CELF4: variants seen among roughly 807,000 people sequenced by gnomAD.
CELF4 encodes CUG-BP- and ETR-3-like factor 4.
In CELF4, 18 loss-of-function variants were observed where a neutral mutation model predicts 59.9. The ratio of observed to expected loss-of-function variants is 0.30; its 90% CI spans 0.21 to 0.45. The LOEUF (loss-of-function observed/expected upper bound fraction) is 0.45, where lower values mean the gene tolerates loss of function less well. Among genes scored for constraint, CELF4 ranks in the 20% least tolerant of loss-of-function variants. The pLI, the probability that CELF4 is intolerant of heterozygous loss-of-function variation, is 1.00. For synonymous variants in CELF4, 261 were observed against 267.1 expected, an observed-to-expected ratio of 0.98 and a Z score of 0.22; for missense variants, 456 against 689.0, an observed-to-expected ratio of 0.66 and a Z score of 3.79.
chr18:37,552,352 C>T (rs2099983476), intron 1 of CELF4, among the ~76,000 whole-genome samples: 1 of 152,224 alleles, frequency 6.6e-6, no homozygotes, highest in Non-Finnish European at 1.5e-5. Flanking sequence ...CTGCAGGGGG[C>T]CATGGTATGT....
chr18:37,420,928 T>C (rs2099574062), intron 2 of CELF4, among the ~76,000 whole-genome samples: 2 of 152,242 alleles, frequency 1.3e-5, no homozygotes, highest in South Asian at 4.1e-4. Flanking sequence ...TGCCATGTTT[T>C]GTAGTCCTGT....
rs553988927 is a variant in CELF4, at chr18:37,322,350, C to T, written c.370-469G>A. ...CAGGGCATCCAGCTTGATCCCAGCC[C>T]GTACCAGCTCGCAGAAGTGGCCTAT... On this transcript the variant is annotated intron_variant, in intron 2 of 12. Coordinates refer to ENST00000420428, the MANE Select transcript of CELF4 (RefSeq NM_020180.4). Among the ~76,000 whole-genome samples, 19 of 152,346 alleles carry T rather than the reference C, an allele frequency of 1.2e-4. 1 individual carries two copies. The East Asian group carries it at 1.9e-3, about 15-fold the overall frequency.
chr18:37,255,435 G>A (rs754738954), intron 11 of CELF4, among the ~76,000 whole-genome samples: 8 of 151,300 alleles, frequency 5.3e-5, no homozygotes, highest in East Asian at 1.9e-4. Context: ...CCGAACAAGC[G>A]CAACAATTGG....
At chr18:37,379,928 G>C (rs891897202) in intron 2 of CELF4, among the ~76,000 whole-genome samples, 1 of 152,100 alleles carries the variant, frequency 6.6e-6, no homozygotes, top group African/African-American at 2.4e-5. Flanking sequence ...ATGCTTTCCT[G>C]CTCCGGGGTT....
chr18:37,375,574 G>A (rs538364677), intron 2 of CELF4, among the ~76,000 whole-genome samples: 1 of 152,250 alleles, frequency 6.6e-6, no homozygotes, highest in South Asian at 2.1e-4. Context: ...CCTGTGAGAT[G>A]GAAACTTAAT....
Position 37,457,159 on chromosome 18 carries a change from C to T in CELF4, c.369+28366G>A, listed in dbSNP as rs188393086. 1.3e-3 allele frequency among the ~76,000 whole-genome samples: 191 copies of T among 152,260 alleles called. 2 individuals are homozygous for T. The East Asian group carries it at 0.031, about 25-fold the overall frequency. ...AAAGAGCAGGAGGGCCTCTGAGTGT[C>T]TCTGGTTCTCCTCTTGGGACAAGGC... On this transcript the variant is annotated intron_variant, in intron 2 of 12. Coordinates refer to ENST00000420428, the MANE Select transcript of CELF4 (RefSeq NM_020180.4).
chr18:37,323,964 T>C (rs947090212), intron 2 of CELF4, among the ~76,000 whole-genome samples: 1 of 152,064 alleles, frequency 6.6e-6, no homozygotes, highest in Non-Finnish European at 1.5e-5. Context: ...AGGAAGTAAG[T>C]GGGAAAAGTA....
chr18:37,415,647 T>C (rs2099521432), intron 2 of CELF4, among the ~76,000 whole-genome samples: 1 of 152,220 alleles, frequency 6.6e-6, no homozygotes, highest in Non-Finnish European at 1.5e-5. Flanking sequence ...TATTACCTAT[T>C]GAAATTTGAC....
At chr18:37,273,307 T>C in intron 6 of CELF4, 144 bp from the exon 7 acceptor site, 1 of 1,436,118 alleles carries the variant, frequency 7.0e-7, no homozygotes. Context: ...CTGATGCCTC[T>C]CCCATTCTTG....
At chr18:37,266,468 G>C (rs1013882926) in intron 9 of CELF4, 65 bp downstream of exon 9, 2 of 1,436,102 alleles carry the variant, frequency 1.4e-6, no homozygotes, top group Non-Finnish European at 1.9e-6. Flanking sequence ...GGGGGCACTG[G>C]TGTCACAGGC....
At chr18:37,353,024 A>G (rs1224331268) in intron 2 of CELF4, among the ~76,000 whole-genome samples, 3 of 152,068 alleles carry the variant, frequency 2.0e-5, no homozygotes, top group South Asian at 2.1e-4. Flanking sequence ...GATCGAGACC[A>G]TCCTGGCTAA....
Position 37,321,870 on chromosome 18 carries a change from C to G in CELF4, c.381G>C (p.Pro127=), listed in dbSNP as rs41352348. 6.2e-7 allele frequency: 1 copy of G among 1,613,112 alleles called. No homozygotes were observed. The highest frequency in any genetic ancestry group is 8.5e-7 in the Non-Finnish European group (1 of 1,179,456). Residue 127 remains proline, a synonymous_variant, in exon 3 of 13, where the codon CCG becomes CCC. Coordinates refer to ENST00000420428, the MANE Select transcript of CELF4 (RefSeq NM_020180.4). ...EQKTLPGMNR[P]IQVKPADSES... ...CGCTGTCCGCAGGCTTCACCTGGAT[C>G]GGCCGGTTCATCTGCAACAGAGCAG...
intron 1 of CELF4, among the ~76,000 whole-genome samples, chr18:37,522,127 A>ACC (rs1284660308): frequency 0.011 from 1,746 of 152,296 alleles, 35 homozygotes; most frequent in African/African-American, 0.04. Flanking sequence ...GAATGAGATA[A>ACC]CAGAAGCCAG....
intron 1 of CELF4, among the ~76,000 whole-genome samples, chr18:37,537,638 AT>A (rs2099974578): frequency 6.6e-6 from 1 of 152,074 alleles, no homozygotes; most frequent in Admixed American, 6.5e-5. Flanking sequence ...TGTTTATTTT[AT>A]TTCCTTGCTT....
Position 37,549,632 on chromosome 18 carries a change from G to T in CELF4, c.286+15724C>A, listed in dbSNP as rs1332141109. On this transcript the variant is annotated intron_variant, in intron 1 of 12. Coordinates refer to ENST00000420428, the MANE Select transcript of CELF4 (RefSeq NM_020180.4). Reference sequence around the variant, plus strand: ...TTTCTTTATAAAAAAGGTATCAACTGTACCTGGTTGCAATAGGGATAAAAA... The same window carrying T: ...TTTCTTTATAAAAAAGGTATCAACTTTACCTGGTTGCAATAGGGATAAAAA... Among the ~76,000 whole-genome samples the T allele has an allele frequency of 3.3e-5, 5 of 152,060 alleles. No individual in the cohort carries two copies. The East Asian group carries it at 9.6e-4, about 29-fold the overall frequency.
At chr18:37,334,865 C>T (rs747696107) in intron 2 of CELF4, among the ~76,000 whole-genome samples, 4 of 152,158 alleles carry the variant, frequency 2.6e-5, no homozygotes, top group Non-Finnish European at 5.9e-5. Context: ...GAGGAAATTG[C>T]TCTTAATCCC....
At chr18:37,495,615 G>C (rs192644159) in intron 1 of CELF4, among the ~76,000 whole-genome samples, 1 of 152,262 alleles carries the variant, frequency 6.6e-6, no homozygotes, top group East Asian at 1.9e-4. Context: ...AATACTTGCC[G>C]AGTGAGTGGC....
intron 3 of CELF4, among the ~76,000 whole-genome samples, chr18:37,321,179 C>T (rs1345262504): frequency 3.9e-5 from 6 of 152,188 alleles, no homozygotes; most frequent in Admixed American, 2.6e-4. Flanking sequence ...CCTAACCCTT[C>T]CAGCGGTGAG....
At chr18:37,380,125 G>C (rs985121989) in intron 2 of CELF4, among the ~76,000 whole-genome samples, 1 of 152,060 alleles carries the variant, frequency 6.6e-6, no homozygotes, top group East Asian at 1.9e-4. Flanking sequence ...TTGAATTACT[G>C]GTGCCAGGCT....
Sources: allele counts gnomAD v4.1 joint callset (sites outside exome capture counted in the v4.1 genomes callset), GRCh38; gene constraint gnomAD v4.1.1; transcripts MANE v1.5; gene names NCBI Gene and HGNC (gene_info 2026-07-23, HGNC 2026-07-21).